LYPD6: variants seen among roughly 807,000 people sequenced by gnomAD.
LYPD6 encodes LY6/PLAUR domain containing 6.
Under a neutral mutation model 22.7 loss-of-function variants are expected in LYPD6, and 15 were observed. That is an observed-to-expected ratio of 0.66 (90% CI 0.44 to 1.02). The LOEUF (loss-of-function observed/expected upper bound fraction) is 1.02. Among genes scored for constraint, LYPD6 ranks in the 50% least tolerant of loss-of-function variants. The pLI, the probability that LYPD6 is intolerant of heterozygous loss-of-function variation, is 0.00. For synonymous variants in LYPD6, 72 were observed against 77.5 expected, an observed-to-expected ratio of 0.93 and a Z score of 0.37; for missense variants, 189 against 208.4, an observed-to-expected ratio of 0.91 and a Z score of 0.57.
At chr2:149,431,231 T>TGCAGTGCATATTCAAATA (rs1382789323) in intron 1 of LYPD6, among the ~76,000 whole-genome samples, 4 of 152,232 alleles carry the variant, frequency 2.6e-5, no homozygotes, top group Non-Finnish European at 5.9e-5. Flanking sequence ...GGACACGATC[T>TGCAGTGCATATTCAAATA]GCAGTGCATA....
intron 1 of LYPD6, among the ~76,000 whole-genome samples, chr2:149,339,025 G>T (rs1404975693): frequency 6.6e-6 from 1 of 152,318 alleles, no homozygotes; most frequent in Admixed American, 6.5e-5. Context: ...AGGACTTTGA[G>T]TGAGGACTTA....
At chr2:149,406,709 A>G (rs1346168827) in intron 1 of LYPD6, among the ~76,000 whole-genome samples, 2 of 152,032 alleles carry the variant, frequency 1.3e-5, no homozygotes, top group Non-Finnish European at 1.5e-5. Flanking sequence ...GTGTCTTTTA[A>G]TTGGAGCATT....
chr2:149,351,564 A>C (rs16826891), intron 1 of LYPD6, among the ~76,000 whole-genome samples: 2,945 of 152,204 alleles, frequency 0.019, 100 homozygotes, highest in African/African-American at 0.067. Flanking sequence ...ACCTGGAGGA[A>C]GATTGCGTGT....
At chr2:149,418,360 G>A (rs1352807856) in intron 1 of LYPD6, among the ~76,000 whole-genome samples, 1 of 152,106 alleles carries the variant, frequency 6.6e-6, no homozygotes, top group Non-Finnish European at 1.5e-5. Context: ...AAATAATGGG[G>A]CATAGACCAT....
At chr2:149,437,977 C>A in intron 2 of LYPD6, 151 bp downstream of exon 2, 1 of 918,350 alleles carries the variant, frequency 1.1e-6, no homozygotes, top group Non-Finnish European at 1.6e-6. Flanking sequence ...ATGTTTTATG[C>A]TTTACCCTCA....
At chr2:149,344,258 C>G (rs1573730183) in intron 1 of LYPD6, among the ~76,000 whole-genome samples, 1 of 151,918 alleles carries the variant, frequency 6.6e-6, no homozygotes, top group Admixed American at 6.5e-5. Flanking sequence ...GTTAGAAAAT[C>G]TCTGCATCTA....
At chr2:149,352,544 G>C (rs928853756) in intron 1 of LYPD6, among the ~76,000 whole-genome samples, 2 of 152,176 alleles carry the variant, frequency 1.3e-5, no homozygotes, top group African/African-American at 4.8e-5. Flanking sequence ...AAGAGACCTT[G>C]CCTACTGGCT....
intron 1 of LYPD6, among the ~76,000 whole-genome samples, chr2:149,402,014 C>A (rs1334716934): frequency 6.6e-6 from 1 of 151,960 alleles, no homozygotes; most frequent in Non-Finnish European, 1.5e-5. Flanking sequence ...CTCTGGATAC[C>A]TAATTCATGA....
intron 3 of LYPD6, among the ~76,000 whole-genome samples, chr2:149,461,235 A>G (rs1681080931): frequency 6.6e-6 from 1 of 152,034 alleles, no homozygotes; most frequent in African/African-American, 2.4e-5. Context: ...AAAAACATTA[A>G]GGTACTAAGA....
intron 2 of LYPD6, among the ~76,000 whole-genome samples, chr2:149,445,599 A>AT (rs1388427412): frequency 3.3e-5 from 5 of 152,242 alleles, no homozygotes; most frequent in South Asian, 2.1e-4. Flanking sequence ...ATGGAAATGG[A>AT]TTTTTTCCTT....
chr2:149,382,947 A>G (rs1250778718), intron 1 of LYPD6, among the ~76,000 whole-genome samples: 2 of 152,176 alleles, frequency 1.3e-5, no homozygotes. Flanking sequence ...ATACTCTCCA[A>G]GGAAAATGGT....
intron 1 of LYPD6, among the ~76,000 whole-genome samples, chr2:149,363,191 T>G (rs1341867987): frequency 6.6e-6 from 1 of 152,178 alleles, no homozygotes; most frequent in African/African-American, 2.4e-5. Context: ...GCAGTTGGGC[T>G]TAGTGTATTT....
At chr2:149,336,078 G>A (rs76437444) in intron 1 of LYPD6, among the ~76,000 whole-genome samples, 65 of 152,284 alleles carry the variant, frequency 4.3e-4, no homozygotes, top group African/African-American at 6.0e-4. Flanking sequence ...CCAGGTTTCC[G>A]ATTCCAGTTC....
At chr2:149,368,355 G>A (rs1681727137) in intron 1 of LYPD6, among the ~76,000 whole-genome samples, 1 of 152,114 alleles carries the variant, frequency 6.6e-6, no homozygotes. Context: ...TGGAGTTTAG[G>A]GGACTTCTTG....
intron 1 of LYPD6, among the ~76,000 whole-genome samples, chr2:149,372,379 T>C (rs1681831378): frequency 6.6e-6 from 1 of 152,228 alleles, no homozygotes; most frequent in Admixed American, 6.5e-5. Flanking sequence ...ACTGGTCTCT[T>C]TGACTAAATT....
At chr2:149,478,660 G>A (rs1392707772), downstream of LYPD6, among the ~76,000 whole-genome samples, 3 of 152,104 alleles carry the variant, frequency 2.0e-5, no homozygotes, top group Non-Finnish European at 4.4e-5. Flanking sequence ...CTGGCCTCAA[G>A]TGATCTGCCA....
chr2:149,445,876 C>G (rs193079268), intron 2 of LYPD6, among the ~76,000 whole-genome samples: 45 of 152,324 alleles, frequency 3.0e-4, no homozygotes, highest in Admixed American at 2.9e-3. Flanking sequence ...ATATTTACAA[C>G]TTGGCTAACT....
chr2:149,348,033 T>C (rs538298215), intron 1 of LYPD6, among the ~76,000 whole-genome samples: 10 of 131,552 alleles, frequency 7.6e-5, no homozygotes, highest in African/African-American at 1.8e-4. Flanking sequence ...CTGGCCAACA[T>C]TGCGAAACCC....
chr2:149,437,072 A>G (rs1342904931), intron 1 of LYPD6, among the ~76,000 whole-genome samples: 1 of 152,204 alleles, frequency 6.6e-6, no homozygotes, highest in African/African-American at 2.4e-5. Flanking sequence ...ATAAATGGAT[A>G]TACATAAAGG....
Sources: gnomAD v4.1 joint callset for allele counts (sites outside exome capture counted in the v4.1 genomes callset) on GRCh38, gnomAD v4.1.1 for gene constraint, MANE v1.5 for transcripts, NCBI Gene and HGNC (gene_info 2026-07-23, HGNC 2026-07-21) for gene names.